TSC22D1: variants seen among roughly 807,000 people sequenced by gnomAD.
The protein encoded by TSC22D1 is TSC22 domain family protein 1.
In TSC22D1, 9 loss-of-function variants were observed where a neutral mutation model predicts 74.2. The observed-to-expected ratio is 0.12, with a 90% CI of 0.07 to 0.21. The LOEUF (loss-of-function observed/expected upper bound fraction) is 0.21, where lower values mean the gene tolerates loss of function less well. TSC22D1 is among the 10% of genes least tolerant of loss of function. The probability of loss-of-function intolerance (pLI) is 1.00; values close to 1 mark genes in which losing one functional copy is unlikely to be tolerated. For missense variants in TSC22D1, 1,427 were observed against 1,304.7 expected, an observed-to-expected ratio of 1.09 and a Z score of -1.44; for synonymous variants, 586 against 492.5, an observed-to-expected ratio of 1.19 and a Z score of -2.51.
intron 1 of TSC22D1, 44 bp from the exon 2 acceptor site, chr13:44,436,139 T>G: frequency 6.3e-7 from 1 of 1,593,500 alleles, no homozygotes; most frequent in Non-Finnish European, 8.5e-7. Flanking sequence ...ATGGAATTTA[T>G]CTTAAGCTTC....
At chr13:44,520,856 GAGA>G (rs1880281021) in intron 1 of TSC22D1, among the ~76,000 whole-genome samples, 1 of 152,200 alleles carries the variant, frequency 6.6e-6, no homozygotes, top group Non-Finnish European at 1.5e-5. Context: ...TTGGCTAAAT[GAGA>G]AGCCCTTTAT....
chr13:44,571,148 T>C (rs1883734625), intron 1 of TSC22D1, among the ~76,000 whole-genome samples: 1 of 152,170 alleles, frequency 6.6e-6, no homozygotes, highest in South Asian at 2.1e-4. Context: ...GAACTCCTGG[T>C]CTTGTGGGAG....
At chr13:44,527,129 T>C (rs1880584785) in intron 1 of TSC22D1, among the ~76,000 whole-genome samples, 2 of 151,904 alleles carry the variant, frequency 1.3e-5, no homozygotes, top group East Asian at 1.9e-4. Flanking sequence ...AAAGACTTTC[T>C]CAGATAAAAA....
intron 1 of TSC22D1, among the ~76,000 whole-genome samples, chr13:44,459,033 A>G (rs1876839794): frequency 6.6e-6 from 1 of 152,148 alleles, no homozygotes; most frequent in African/African-American, 2.4e-5. Context: ...GATGGCCTAA[A>G]GCCTGGGGGC....
chr13:44,512,010 A>C (rs1879747618), intron 1 of TSC22D1, among the ~76,000 whole-genome samples: 1 of 152,166 alleles, frequency 6.6e-6, no homozygotes, highest in Admixed American at 6.5e-5. Flanking sequence ...TTTTCAGGGC[A>C]ATCGCATTTA....
At chr13:44,538,450 G>A (rs1881279957) in intron 1 of TSC22D1, 1 of 985,254 alleles carries the variant, frequency 1.0e-6, no homozygotes, top group Non-Finnish European at 1.2e-6. Context: ...AAGTTTTCTG[G>A]ACTTCCTCTA....
At chr13:44,447,797 G>C (rs1314150523) in intron 1 of TSC22D1, among the ~76,000 whole-genome samples, 1 of 145,402 alleles carries the variant, frequency 6.9e-6, no homozygotes, top group Admixed American at 6.9e-5. Context: ...AATTCCAAAA[G>C]AATATCTATA....
At chr13:44,488,432 CTT>C (rs1478674392) in intron 1 of TSC22D1, among the ~76,000 whole-genome samples, 2 of 152,182 alleles carry the variant, frequency 1.3e-5, no homozygotes, top group African/African-American at 4.8e-5. Context: ...TTAAAACTAA[CTT>C]CACCTGTTTT....
Position 44,436,126 on chromosome 13 carries a change from T to TA in TSC22D1, c.2913-32dup, listed in dbSNP as rs756531359. 7.0e-5 allele frequency: 113 copies of TA among 1,604,866 alleles called. 2 individuals carry two copies. The East Asian group carries it at 2.5e-3, about 35-fold the overall frequency. On this transcript the variant is annotated intron_variant, in intron 1 of 2. Transcript: ENST00000458659. ...AAAGAGGAGGGAAAAAGGTCATCGA[T>TA]AAATGGAATTTATCTTAAGCTTCCA...
rs1874593607 is a variant in TSC22D1, at chr13:44,436,111, G to GA, written c.2913-17dup. 1 of 1,605,628 alleles carries GA rather than the reference G, an allele frequency of 6.2e-7. No individual in the cohort carries two copies. Among genetic ancestry groups the GA allele is most frequent in the Non-Finnish European group, 8.5e-7 (1 of 1,177,060 alleles). ...ACCAGAGGAGCTGAAAAAGAGGAGGGAAAAAGGTCATCGATAAATGGAATT... is the reference window on the plus strand; with the variant it reads ...ACCAGAGGAGCTGAAAAAGAGGAGGGAAAAAAGGTCATCGATAAATGGAATT... On this transcript the variant is annotated splice_polypyrimidine_tract_variant and intron_variant, in intron 1 of 2. Coordinates refer to ENST00000458659, the MANE Select transcript of TSC22D1 (RefSeq NM_183422.4).
At chr13:44,479,923 C>A (rs533036327) in intron 1 of TSC22D1, among the ~76,000 whole-genome samples, 15 of 152,248 alleles carry the variant, frequency 9.9e-5, no homozygotes, top group African/African-American at 3.6e-4. Context: ...TCTAGGCTGG[C>A]CCTATCAAGG....
At chr13:44,479,661 C>A (rs1878088928) in intron 1 of TSC22D1, among the ~76,000 whole-genome samples, 1 of 152,140 alleles carries the variant, frequency 6.6e-6, no homozygotes. Flanking sequence ...TAGCTTTCAA[C>A]CTAATAAGAC....
At chr13:44,465,187 G>C (rs1469084133) in intron 1 of TSC22D1, among the ~76,000 whole-genome samples, 2 of 152,134 alleles carry the variant, frequency 1.3e-5, no homozygotes, top group Non-Finnish European at 2.9e-5. Context: ...ATGTAACACA[G>C]GACCTTGACC....
intron 1 of TSC22D1, among the ~76,000 whole-genome samples, chr13:44,449,640 C>T (rs1403489908): frequency 1.3e-5 from 2 of 152,114 alleles, no homozygotes; most frequent in African/African-American, 4.8e-5. Context: ...GACATTGCCA[C>T]ATTCTCCTAT....
At chr13:44,454,866 G>A (rs971277704) in intron 1 of TSC22D1, among the ~76,000 whole-genome samples, 1 of 152,082 alleles carries the variant, frequency 6.6e-6, no homozygotes, top group Non-Finnish European at 1.5e-5. Flanking sequence ...AACAGATGCT[G>A]TCATGTTTTA....
At chr13:44,554,627 GAACAAAAAAA>G (rs1882505522) in intron 1 of TSC22D1, among the ~76,000 whole-genome samples, 1 of 20,858 alleles carries the variant, frequency 4.8e-5, no homozygotes, top group African/African-American at 1.8e-4. Flanking sequence ...CCAATACCAG[GAACAAAAAAA>G]AAAAAAAAAA....
chr13:44,443,966 G>T (rs1229399520), intron 1 of TSC22D1, among the ~76,000 whole-genome samples: 1 of 152,114 alleles, frequency 6.6e-6, no homozygotes, highest in Non-Finnish European at 1.5e-5. Context: ...TGAATACCAA[G>T]ATAGCAGATT....
intron 1 of TSC22D1, among the ~76,000 whole-genome samples, chr13:44,545,052 T>C (rs1426222060): frequency 1.3e-5 from 2 of 152,086 alleles, no homozygotes; most frequent in South Asian, 2.1e-4. Flanking sequence ...ATGATTAAAT[T>C]TGGCAGGGCA....
At position 44,436,219 on chromosome 13, in the gene TSC22D1, G is replaced by A. The variant is rs938284821; in HGVS notation, c.2913-124C>T. 4 of 1,142,498 alleles carry A rather than the reference G, an allele frequency of 3.5e-6. No individual in the cohort carries two copies. In the East Asian group the frequency reaches 7.7e-5, roughly 22 times the overall value. The allele number at this position is 1,142,498 out of a possible 1,614,324, so 70.8% of individuals were successfully genotyped here. On this transcript the variant is annotated intron_variant, in intron 1 of 2. Coordinates refer to ENST00000458659, the MANE Select transcript of TSC22D1 (RefSeq NM_183422.4). Reference sequence around the variant, plus strand: ...TATTTTGAATGTTATTTAACACTATGTAATGTATCACCCTCCAGAAAATGC... The same window carrying A: ...TATTTTGAATGTTATTTAACACTATATAATGTATCACCCTCCAGAAAATGC...
Sources: allele counts gnomAD v4.1 joint callset (sites outside exome capture counted in the v4.1 genomes callset), GRCh38; gene constraint gnomAD v4.1.1; transcripts MANE v1.5; gene names NCBI Gene and HGNC (gene_info 2026-07-23, HGNC 2026-07-21).